The following DYSF variants were observed in gnomAD, a reference collection of about 807,000 sequenced individuals.
The protein encoded by DYSF is dystrophy-associated fer-1-like 1.
A neutral mutation model predicts 274.9 loss-of-function variants in DYSF; 212 were observed. That is an observed-to-expected ratio of 0.77 (90% CI 0.69 to 0.86). DYSF has a LOEUF of 0.86. Ranked by LOEUF, DYSF falls within the 40% of genes least tolerant of loss-of-function variation. The pLI is 0.00. For synonymous variants in DYSF, 1,091 were observed against 1,078.7 expected, an observed-to-expected ratio of 1.01 and a Z score of -0.22; for missense variants, 2,666 against 2,783.2, an observed-to-expected ratio of 0.96 and a Z score of 0.95.
At chr2:71,490,945 A>AT (rs2083802383) in intron 3 of DYSF, among the ~76,000 whole-genome samples, 1 of 152,028 alleles carries the variant, frequency 6.6e-6, no homozygotes, top group Admixed American at 6.6e-5. Flanking sequence ...TTCTTATGCT[A>AT]TTTTTTTCTT....
intron 2 of DYSF, 115 bp downstream of exon 2, chr2:71,481,053 G>T: frequency 3.8e-6 from 4 of 1,058,204 alleles, no homozygotes; most frequent in Non-Finnish European, 5.8e-6. Context: ...GAGGTGGGGA[G>T]GGGCTGGTGG....
chr2:71,510,174 C>T (rs1351181924), intron 4 of DYSF, among the ~76,000 whole-genome samples: 13 of 152,204 alleles, frequency 8.5e-5, no homozygotes, highest in African/African-American at 3.1e-4. Context: ...CCTGCCCTAG[C>T]CCTGGAAGTA....
At chr2:71,494,655 C>G (rs1188905723) in intron 3 of DYSF, among the ~76,000 whole-genome samples, 1 of 152,212 alleles carries the variant, frequency 6.6e-6, no homozygotes, top group Admixed American at 6.5e-5. Context: ...TTGATCCCTA[C>G]CTGTGCCTAG....
chr2:71,551,360 C>T (rs1194751318), intron 18 of DYSF, among the ~76,000 whole-genome samples: 1 of 152,248 alleles, frequency 6.6e-6, no homozygotes, highest in Non-Finnish European at 1.5e-5. Flanking sequence ...CCTTGAAGCA[C>T]CCAGGCCCCG....
At chr2:71,470,408 C>T (rs893949692) in intron 1 of DYSF, among the ~76,000 whole-genome samples, 1 of 152,144 alleles carries the variant, frequency 6.6e-6, no homozygotes, top group Non-Finnish European at 1.5e-5. Context: ...CGTGGTGGCT[C>T]ACGCCTGTAA....
chr2:71,559,305 G>C (rs749565381), intron 22 of DYSF, among the ~76,000 whole-genome samples: 2 of 152,162 alleles, frequency 1.3e-5, no homozygotes, highest in African/African-American at 4.8e-5. Context: ...CAGAATCCAC[G>C]CTGGAAACCT....
chr2:71,612,867 C>A, intron 39 of DYSF, 61 bp downstream of exon 39: 1 of 1,560,294 alleles, frequency 6.4e-7, no homozygotes, highest in African/African-American at 1.4e-5. Flanking sequence ...CCAAGCTACC[C>A]TTCCTAGTTG....
chr2:71,523,692 G>A (rs10203649), intron 12 of DYSF, among the ~76,000 whole-genome samples: 1 of 151,144 alleles, frequency 6.6e-6, no homozygotes, highest in African/African-American at 2.4e-5. Flanking sequence ...GATTACAAGC[G>A]TGCGCCACCA....
chr2:71,485,364 T>G (rs1023418615), intron 3 of DYSF, among the ~76,000 whole-genome samples: 4 of 152,172 alleles, frequency 2.6e-5, no homozygotes, highest in Admixed American at 2.0e-4. Flanking sequence ...GAGACCAGCC[T>G]GGCCAAGATG....
chr2:71,460,057 A>G (rs550056641), intron 1 of DYSF, among the ~76,000 whole-genome samples: 77 of 152,260 alleles, frequency 5.1e-4, no homozygotes, highest in African/African-American at 1.9e-3. Context: ...ATGCAGATCT[A>G]GCTATTTGTA....
At chr2:71,547,849 C>A (rs1383379422) in intron 17 of DYSF, among the ~76,000 whole-genome samples, 1 of 152,042 alleles carries the variant, frequency 6.6e-6, no homozygotes, top group Non-Finnish European at 1.5e-5. Context: ...GGTGGGAAGC[C>A]GACTTTGCCT....
At chr2:71,679,004 C>CA (rs2095261600) in intron 52 of DYSF, 53 bp from the exon 53 acceptor site, 1 of 1,561,866 alleles carries the variant, frequency 6.4e-7, no homozygotes. Context: ...AGGGTGGCTA[C>CA]AGGCTGGCAG....
At chr2:71,513,203 C>T (rs1275316939) in intron 5 of DYSF, 37 bp from the exon 6 acceptor site, 1 of 1,547,622 alleles carries the variant, frequency 6.5e-7, no homozygotes, top group Non-Finnish European at 8.7e-7. Context: ...CAACCTCCTC[C>T]CTCCCCTCCC....
chr2:71,575,765 G>A (rs1016062304), intron 30 of DYSF, among the ~76,000 whole-genome samples: 1 of 152,150 alleles, frequency 6.6e-6, no homozygotes, highest in African/African-American at 2.4e-5. Context: ...CTACTCAAAG[G>A]GGCTGAGAAG....
chr2:71,669,266 G>A, intron 50 of DYSF, 59 bp downstream of exon 50: 6 of 1,407,956 alleles, frequency 4.3e-6, no homozygotes, highest in Non-Finnish European at 5.9e-6. Flanking sequence ...GCTCCCTCTG[G>A]GTTGTGCACA....
intron 13 of DYSF, 72 bp downstream of exon 13, chr2:71,526,418 T>TGGTGGGGGGGGGGGGGTTG: frequency 3.8e-6 from 1 of 261,506 alleles, no homozygotes; most frequent in Non-Finnish European, 7.0e-6. Context: ...GGGTGGGCGA[T>TGGTGGGGGGGGGGGGGTTG]GGCGGGCGGG....
In DYSF at chr2:71,602,787, A is replaced by G. The variant is rs763332737; in HGVS notation, c.3939A>G (p.Thr1313=). 12 of 1,613,242 alleles carry G rather than the reference A, an allele frequency of 7.4e-6. No individual in the cohort carries two copies. The African/African-American group carries it at 1.1e-4, about 14-fold the overall frequency. Residue 1313 remains threonine, a synonymous_variant, in exon 36 of 56, where the codon ACA becomes ACG. Coordinates refer to ENST00000410020, the MANE Select transcript of DYSF (RefSeq NM_001130987.2). ...HHIPGFEVQE[T]SRILDESEDT... is the part of the protein sequence containing the mutation. ...TGGCTGTGGGCCAGGTGCAGGAGAC[A>G]TCAAGGATCCTGGATGAGGTGAGCT...
At chr2:71,635,408 A>G (rs921935436) in intron 41 of DYSF, among the ~76,000 whole-genome samples, 1 of 151,448 alleles carries the variant, frequency 6.6e-6, no homozygotes, top group African/African-American at 2.4e-5. Context: ...AACTGCAATT[A>G]TGTCTTTCAG....
intron 3 of DYSF, among the ~76,000 whole-genome samples, chr2:71,484,807 C>G (rs1201904299): frequency 1.7e-5 from 2 of 121,016 alleles, no homozygotes; most frequent in African/African-American, 7.3e-5. Flanking sequence ...ATTCAAGGAC[C>G]AGGCTAGCCC....
Sources: allele counts gnomAD v4.1 joint callset (sites outside exome capture counted in the v4.1 genomes callset), GRCh38; gene constraint gnomAD v4.1.1; transcripts MANE v1.5; gene names NCBI Gene and HGNC (gene_info 2026-07-23, HGNC 2026-07-21).